The following PTPRN2 variants were observed in gnomAD, a reference collection of about 807,000 sequenced individuals.
The protein encoded by PTPRN2 is receptor-type tyrosine-protein phosphatase N2.
Under a neutral mutation model 118.8 loss-of-function variants are expected in PTPRN2, and 74 were observed. The ratio of observed to expected loss-of-function variants is 0.62; its 90% CI spans 0.52 to 0.76. The LOEUF is 0.76. Ranked by LOEUF, PTPRN2 falls within the 30% of genes least tolerant of loss-of-function variation. The pLI, the probability that PTPRN2 is intolerant of heterozygous loss-of-function variation, is 0.00. For synonymous variants in PTPRN2, 641 were observed against 608.0 expected (o/e 1.05, Z -0.80); for missense variants, 1,481 against 1,394.4 (o/e 1.06, Z -0.99).
chr7:157,613,293 A>G (rs893711806), intron 15 of PTPRN2, among the ~76,000 whole-genome samples: 2 of 152,186 alleles, frequency 1.3e-5, no homozygotes, highest in African/African-American at 4.8e-5. Flanking sequence ...TCAGCAGGTG[A>G]CTTATTCCCA....
In PTPRN2 at chr7:158,576,308, C is replaced by T. The variant is rs112905162; in HGVS notation, c.112+11250G>A. 4.3e-4 allele frequency among the ~76,000 whole-genome samples: 66 copies of T among 152,360 alleles called. 1 individual carries two copies. The highest frequency in any genetic ancestry group is 1.3e-3 in the African/African-American group (53 of 41,582). Reference sequence around the variant, plus strand: ...TCAGACCACACTCGTTTTGCAAGAACGAACATCTCTGTAAAGTTCTGCTTC... The same window carrying T: ...TCAGACCACACTCGTTTTGCAAGAATGAACATCTCTGTAAAGTTCTGCTTC... On this transcript the variant is annotated intron_variant, in intron 1 of 22. Transcript: ENST00000389418.
rs533128808 is a variant in PTPRN2, at chr7:158,525,275, G to A, written c.113-35490C>T. Among the ~76,000 whole-genome samples the A allele has an allele frequency of 6.6e-6, 1 of 152,296 alleles. No homozygotes were observed. Among genetic ancestry groups the A allele is most frequent in the Admixed American group, 6.5e-5 (1 of 15,302 alleles). On this transcript the variant is annotated intron_variant, in intron 1 of 22. Transcript: ENST00000389418. This position sits in a 1 kb window ranked among gnomAD's most constrained non-coding sequence, Gnocchi z 4.1. ...AAAGTTTCTCTATTTTGGAAACTGGGCATCTGCCAAGGAGAACACACGGCC... is the reference window on the plus strand; with the variant it reads ...AAAGTTTCTCTATTTTGGAAACTGGACATCTGCCAAGGAGAACACACGGCC...
intron 5 of PTPRN2, among the ~76,000 whole-genome samples, chr7:158,178,224 T>TG (rs1824383665): frequency 6.6e-6 from 1 of 152,216 alleles, no homozygotes; most frequent in Non-Finnish European, 1.5e-5. Context: ...CAAAAGCTTT[T>TG]GGGGTACGCA....
At position 158,565,637 on chromosome 7, in the gene PTPRN2, C is replaced by T. The variant is rs539651064; in HGVS notation, c.112+21921G>A. On this transcript the variant is annotated intron_variant, in intron 1 of 22. Coordinates refer to ENST00000389418, the MANE Select transcript of PTPRN2 (RefSeq NM_002847.5). This position sits in a 1 kb window ranked among gnomAD's most constrained non-coding sequence, Gnocchi z 4.6. ...CCCAGGAAGAAAGTAAGCAAAGGCACGGTAGACGCCAAGGGTCCAGGAGTC... is the reference window on the plus strand; with the variant it reads ...CCCAGGAAGAAAGTAAGCAAAGGCATGGTAGACGCCAAGGGTCCAGGAGTC... Among the ~76,000 whole-genome samples the T allele has an allele frequency of 6.6e-6, 1 of 152,338 alleles. No homozygotes were observed.
At chr7:157,912,321 T>C (rs1032691801) in intron 11 of PTPRN2, among the ~76,000 whole-genome samples, 3 of 152,268 alleles carry the variant, frequency 2.0e-5, no homozygotes, top group Non-Finnish European at 4.4e-5. Flanking sequence ...TCATGCTTCC[T>C]CTTACATGAA....
At chr7:157,916,764 A>G (rs1337015163) in intron 11 of PTPRN2, among the ~76,000 whole-genome samples, 1 of 146,116 alleles carries the variant, frequency 6.8e-6, no homozygotes, top group Non-Finnish European at 1.5e-5. Flanking sequence ...CACCCCGGCC[A>G]CTCCGGGACA....
intron 6 of PTPRN2, among the ~76,000 whole-genome samples, chr7:158,154,431 C>T (rs1821514040): frequency 6.6e-6 from 1 of 152,240 alleles, no homozygotes. Context: ...TGTGTCCCCT[C>T]TTCTAACACC....
At chr7:158,270,852 GCCCCCCCACCTGGACCGC>G (rs1798360417) in intron 3 of PTPRN2, among the ~76,000 whole-genome samples, 4 of 8,064 alleles carry the variant, frequency 5.0e-4, no homozygotes, top group East Asian at 4.3e-3. Context: ...CACCTGGACC[GCCCCCCCACCTGGACCGC>G]CCCCTCCACC....
intron 2 of PTPRN2, among the ~76,000 whole-genome samples, chr7:158,488,212 A>G (rs932156953): frequency 3.3e-5 from 5 of 152,032 alleles, no homozygotes; most frequent in African/African-American, 1.2e-4. Flanking sequence ...CAATATCGCT[A>G]TTTTTCTTAA....
chr7:157,630,485 C>T (rs999839133), intron 14 of PTPRN2, among the ~76,000 whole-genome samples: 8 of 152,178 alleles, frequency 5.3e-5, no homozygotes, highest in African/African-American at 1.9e-4. Context: ...GCTTCTTCAC[C>T]ATCCCGCTCC....
chr7:157,676,769 C>G lies in PTPRN2; in HGVS notation c.2001+5956G>C, dbSNP rs916860575. ...GTCCTGGGTCCCTTTCCACAGGGTC[C>G]CTTTCCACGGGGTGGGTGACTGATG... is the stretch of plus-strand genomic sequence containing the variant. On this transcript the variant is annotated intron_variant, in intron 13 of 22. Transcript: ENST00000389418. The surrounding 1 kb of genome is among the most constrained non-coding windows in gnomAD (Gnocchi z 5.6). Among the ~76,000 whole-genome samples, 5 of 152,282 alleles carry G rather than the reference C, an allele frequency of 3.3e-5. No homozygotes were observed. The highest frequency in any genetic ancestry group is 1.3e-4 in the Admixed American group (2 of 15,300).
chr7:157,740,429 C>T (rs944553588), intron 12 of PTPRN2: 14 of 134,270 alleles, frequency 1.0e-4, no homozygotes, highest in African/African-American at 3.7e-4. Context: ...CCTCCATCCA[C>T]GGCAAGGCAG....
intron 2 of PTPRN2, among the ~76,000 whole-genome samples, chr7:158,363,061 G>A (rs1362639239): frequency 3.9e-5 from 6 of 152,116 alleles, no homozygotes; most frequent in East Asian, 1.9e-4. Flanking sequence ...TGCACCGCGC[G>A]TCATGAGCCG....
intron 9 of PTPRN2, among the ~76,000 whole-genome samples, chr7:158,118,192 C>T (rs935512990): frequency 1.3e-5 from 2 of 151,954 alleles, no homozygotes; most frequent in African/African-American, 2.4e-5. Flanking sequence ...AAATTTTAAA[C>T]AATTATTAGT....
intron 1 of PTPRN2, among the ~76,000 whole-genome samples, chr7:158,513,718 TAA>T (rs1823339276): frequency 6.6e-6 from 1 of 152,236 alleles, no homozygotes; most frequent in Non-Finnish European, 1.5e-5. Context: ...TATGCTACAT[TAA>T]GTTTTAAAAA....
chr7:157,657,320 A>G (rs1795574434), intron 13 of PTPRN2, among the ~76,000 whole-genome samples: 1 of 125,662 alleles, frequency 8.0e-6, no homozygotes, highest in Non-Finnish European at 1.7e-5. Context: ...CACCACACAC[A>G]TCACACATAT....
intron 11 of PTPRN2, among the ~76,000 whole-genome samples, chr7:158,005,753 AG>A (rs1228844997): frequency 6.6e-6 from 1 of 152,156 alleles, no homozygotes; most frequent in East Asian, 1.9e-4. Context: ...AGAGACAGGA[AG>A]GGCCCACCGT....
At chr7:157,836,367 T>C (rs955310704) in intron 12 of PTPRN2, among the ~76,000 whole-genome samples, 2 of 152,314 alleles carry the variant, frequency 1.3e-5, no homozygotes, top group Admixed American at 1.3e-4. Context: ...TTTCACATAG[T>C]AGTTAGATTT....
intron 1 of PTPRN2, chr7:158,541,555 T>C (rs1379590340): frequency 1.5e-6 from 2 of 1,352,086 alleles, no homozygotes; most frequent in East Asian, 4.5e-5. Flanking sequence ...ATCTTCATAG[T>C]AGGAAAGCTG....
Sources: allele counts gnomAD v4.1 joint callset (sites outside exome capture counted in the v4.1 genomes callset), GRCh38; gene constraint gnomAD v4.1.1; non-coding constraint Gnocchi (gnomAD v3.1); transcripts MANE v1.5; gene names NCBI Gene and HGNC (gene_info 2026-07-23, HGNC 2026-07-21).